The following RPS6KC1 variants were observed in gnomAD, a reference collection of about 807,000 sequenced individuals.
The protein encoded by RPS6KC1 is ribosomal protein S6 kinase C1.
In RPS6KC1, 54 loss-of-function variants were observed where a neutral mutation model predicts 103.8. The observed-to-expected ratio is 0.52, with a 90% CI of 0.42 to 0.65. The LOEUF (loss-of-function observed/expected upper bound fraction) is 0.65. RPS6KC1 is among the 30% of genes least tolerant of loss of function. The probability of loss-of-function intolerance (pLI) is 0.00; values close to 1 mark genes in which losing one functional copy is unlikely to be tolerated. For missense variants in RPS6KC1, 1,151 were observed against 1,253.8 expected (o/e 0.92, Z 1.24); for synonymous variants, 439 against 438.7 (o/e 1.00, Z -0.01).
At chr1:213,540,169 G>T in the RPS6KC1 span, among the ~76,000 whole-genome samples, 6 of 152,164 alleles carry the variant, frequency 3.9e-5, no homozygotes, top group Admixed American at 1.3e-4. Context: ...CTAGAGTGCA[G>T]TGGTGCAATC....
chr1:213,602,132 T>TTC, the RPS6KC1 span, among the ~76,000 whole-genome samples: 11 of 66,052 alleles, frequency 1.7e-4, no homozygotes, highest in East Asian at 1.9e-3. Context: ...CTTTCTTTCT[T>TTC]TCTTTCTTTC....
the RPS6KC1 span, among the ~76,000 whole-genome samples, chr1:213,473,905 A>G: frequency 6.6e-6 from 1 of 152,184 alleles, no homozygotes; most frequent in Admixed American, 6.5e-5. Flanking sequence ...GAAGAGGGGC[A>G]TGGAACTAGA....
chr1:213,449,170 A>T, the RPS6KC1 span, among the ~76,000 whole-genome samples: 1 of 151,970 alleles, frequency 6.6e-6, no homozygotes, highest in African/African-American at 2.4e-5. Context: ...GCCGTGGTGG[A>T]GTTGTTTGAG....
intron 3 of RPS6KC1, among the ~76,000 whole-genome samples, chr1:213,080,684 C>T (rs1352654416): frequency 6.6e-6 from 1 of 152,154 alleles, no homozygotes; most frequent in Non-Finnish European, 1.5e-5. Context: ...CCCACCTCAG[C>T]CCCCCGAGTA....
chr1:213,424,182 T>A, the RPS6KC1 span, among the ~76,000 whole-genome samples: 2 of 152,212 alleles, frequency 1.3e-5, no homozygotes, highest in African/African-American at 4.8e-5. Flanking sequence ...AAAATAAACC[T>A]CTTATCTGAT....
At chr1:213,051,687 G>T (rs926619636) in intron 1 of RPS6KC1, among the ~76,000 whole-genome samples, 178 bp downstream of exon 1, 5 of 152,086 alleles carry the variant, frequency 3.3e-5, no homozygotes, top group African/African-American at 7.2e-5. Flanking sequence ...GGCTGAGTGT[G>T]ATATGCCCAG....
At chr1:213,630,583 A>G in the RPS6KC1 span, among the ~76,000 whole-genome samples, 22 of 152,290 alleles carry the variant, frequency 1.4e-4, no homozygotes, top group African/African-American at 5.1e-4. Flanking sequence ...TCAACTCGTC[A>G]AAGTCATTCT....
intron 6 of RPS6KC1, among the ~76,000 whole-genome samples, chr1:213,167,453 C>CAT (rs2091070233): frequency 8.1e-6 from 1 of 123,764 alleles, no homozygotes; most frequent in Non-Finnish European, 1.8e-5. Context: ...CACACACACA[C>CAT]ACACACACAC....
the RPS6KC1 span, among the ~76,000 whole-genome samples, chr1:213,644,981 C>A: frequency 1.3e-5 from 2 of 152,132 alleles, no homozygotes; most frequent in African/African-American, 4.8e-5. Context: ...TTTGCAGAAT[C>A]CCTTTTAGAC....
At chr1:213,772,735 A>G in the RPS6KC1 span, among the ~76,000 whole-genome samples, 9 of 152,220 alleles carry the variant, frequency 5.9e-5, no homozygotes, top group African/African-American at 2.2e-4. Context: ...TGGTGTCTGA[A>G]CACCCCGGAG....
At chr1:213,556,760 G>A in the RPS6KC1 span, among the ~76,000 whole-genome samples, 1 of 152,188 alleles carries the variant, frequency 6.6e-6, no homozygotes, top group South Asian at 2.1e-4. Context: ...CTTGAGCCAT[G>A]GTAGAGAATG....
At chr1:213,245,981 T>C (rs1005665147) in intron 12 of RPS6KC1, among the ~76,000 whole-genome samples, 3 of 152,172 alleles carry the variant, frequency 2.0e-5, no homozygotes, top group Non-Finnish European at 4.4e-5. Flanking sequence ...CTGAGAACTT[T>C]TAAAAAAGTT....
chr1:213,708,203 C>T, the RPS6KC1 span, among the ~76,000 whole-genome samples: 22,947 of 152,172 alleles, frequency 0.15, 2,101 homozygotes, highest in Middle Eastern at 0.27. Context: ...TTTGTGTCCT[C>T]TCTTATTTCC....
chr1:213,205,942 G>A (rs1051635643), intron 8 of RPS6KC1, among the ~76,000 whole-genome samples: 5 of 151,958 alleles, frequency 3.3e-5, no homozygotes, highest in Non-Finnish European at 5.9e-5. Context: ...GAAATGCTCC[G>A]ATGAGCATTT....
Position 213,230,415 on chromosome 1 carries a change from C to G in RPS6KC1, c.1045-82C>G, listed in dbSNP as rs374206913. The G allele has an allele frequency of 2.0e-4, 200 of 1,019,410 alleles. No homozygotes were observed. In the East Asian group the frequency reaches 4.6e-3, roughly 23 times the overall value. 63.1% of individuals were successfully genotyped at this position (1,019,410 alleles called of 1,614,324 possible). A position where few individuals can be genotyped will look rare whatever the true frequency, so the allele number is the denominator to read the frequency against. On this transcript the variant is annotated intron_variant, in intron 8 of 14. Transcript: ENST00000366960. ...GAGGGGATTAAATTTCAGCCCTGCC[C>G]TACTCTTAAAGTTTAGTTTAAAGCT...
chr1:213,507,336 G>T, the RPS6KC1 span, among the ~76,000 whole-genome samples: 1 of 152,148 alleles, frequency 6.6e-6, no homozygotes, highest in Non-Finnish European at 1.5e-5. Flanking sequence ...GGCAGCGCAG[G>T]GTGGGGGGCT....
At chr1:213,468,283 G>C in the RPS6KC1 span, among the ~76,000 whole-genome samples, 1 of 152,158 alleles carries the variant, frequency 6.6e-6, no homozygotes, top group African/African-American at 2.4e-5. Context: ...ACTTACCTTT[G>C]AATATGGAAA....
Position 213,214,311 on chromosome 1 carries a change from C to A in RPS6KC1, c.1045-16186C>A, listed in dbSNP as rs200604206. On this transcript the variant is annotated intron_variant, in intron 8 of 14. Transcript: ENST00000366960. ...AGCAGTCTGAGATCAAACTGCAAGG[C>A]GGCAGCGAGGCTGGGGAAGGGGTGC... 3.9e-5 allele frequency among the ~76,000 whole-genome samples: 6 copies of A among 152,376 alleles called. No homozygotes were observed. The East Asian group carries it at 1.2e-3, about 29-fold the overall frequency.
At chr1:213,623,406 T>A in the RPS6KC1 span, among the ~76,000 whole-genome samples, 1 of 152,150 alleles carries the variant, frequency 6.6e-6, no homozygotes, top group Non-Finnish European at 1.5e-5. Flanking sequence ...AAATACCCAC[T>A]GAGCCTTACT....
Sources: allele counts gnomAD v4.1 joint callset (sites outside exome capture counted in the v4.1 genomes callset), GRCh38; gene constraint gnomAD v4.1.1; transcripts MANE v1.5; gene names NCBI Gene and HGNC (gene_info 2026-07-23, HGNC 2026-07-21).